The following ADAMTS14 variants were observed in gnomAD, a reference collection of about 807,000 sequenced individuals.
ADAMTS14 encodes A disintegrin and metalloproteinase with thrombospondin motifs 14.
In ADAMTS14, 100 loss-of-function variants were observed where a neutral mutation model predicts 128.6. The ratio of observed to expected loss-of-function variants is 0.78; its 90% CI spans 0.66 to 0.92. ADAMTS14 has a LOEUF of 0.92. Among genes scored for constraint, ADAMTS14 ranks in the 40% least tolerant of loss-of-function variants. The probability of loss-of-function intolerance (pLI) is 0.00; values close to 1 mark genes in which losing one functional copy is unlikely to be tolerated. For missense variants in ADAMTS14, 1,562 were observed against 1,658.6 expected, an observed-to-expected ratio of 0.94 and a Z score of 1.01; for synonymous variants, 665 against 653.8, an observed-to-expected ratio of 1.02 and a Z score of -0.26.
chr10:70,718,516 T>C (rs1027910874), intron 4 of ADAMTS14, among the ~76,000 whole-genome samples: 3 of 149,234 alleles, frequency 2.0e-5, no homozygotes, highest in African/African-American at 7.5e-5. Context: ...GACTCCTGAG[T>C]AGCTGGGGTT....
In ADAMTS14 at chr10:70,743,649, C is replaced by G. The variant is rs145886115; in HGVS notation, c.2026C>G (p.Pro676Ala). ...HDGTRCSYRDPYSVCARGECV... is the reference protein window; with the variant it reads ...HDGTRCSYRDAYSVCARGECV... ...TGGGACACGCTGCAGCTACCGGGACCCATACAGCGTCTGTGCGCGTGGCGA... is the reference window on the plus strand; with the variant it reads ...TGGGACACGCTGCAGCTACCGGGACGCATACAGCGTCTGTGCGCGTGGCGA... Residue 676 changes from proline (P) to alanine (A), a missense_variant, in exon 13 of 22, where the codon CCA (proline) becomes GCA (alanine). Coordinates refer to ENST00000373207, the MANE Select transcript of ADAMTS14 (RefSeq NM_080722.4). The G allele has an allele frequency of 1.9e-5, 30 of 1,609,184 alleles. No homozygotes were observed. The Admixed American group carries it at 4.2e-4, about 23-fold the overall frequency.
At chr10:70,687,329 G>C (rs1213129174) in intron 2 of ADAMTS14, among the ~76,000 whole-genome samples, 1 of 87,934 alleles carries the variant, frequency 1.1e-5, no homozygotes, top group African/African-American at 3.8e-5. Flanking sequence ...CTGGCCGGGC[G>C]GGGGGCCGAC....
At chr10:70,744,749 T>C (rs1449508079) in intron 14 of ADAMTS14, among the ~76,000 whole-genome samples, 1 of 152,136 alleles carries the variant, frequency 6.6e-6, no homozygotes, top group Non-Finnish European at 1.5e-5. Context: ...TGTCTCACCT[T>C]TGATTGTTGG....
chr10:70,722,850 C>T (rs916743339), intron 4 of ADAMTS14, among the ~76,000 whole-genome samples: 1 of 152,314 alleles, frequency 6.6e-6, no homozygotes. Flanking sequence ...GGACAAATCT[C>T]CCATGCAGAG....
intron 13 of ADAMTS14, 26 bp downstream of exon 13, chr10:70,743,707 C>G: frequency 6.5e-7 from 1 of 1,547,064 alleles, no homozygotes; most frequent in Non-Finnish European, 8.7e-7. Context: ...GCCACCCCGA[C>G]TACCGGCACA....
chr10:70,698,455 T>C (rs1840398946), intron 2 of ADAMTS14, among the ~76,000 whole-genome samples: 1 of 152,178 alleles, frequency 6.6e-6, no homozygotes, highest in Admixed American at 6.5e-5. Flanking sequence ...AAACCTCTCA[T>C]TGTGCAGACA....
chr10:70,704,873 C>G (rs1840611933), intron 3 of ADAMTS14, among the ~76,000 whole-genome samples: 1 of 152,060 alleles, frequency 6.6e-6, no homozygotes. Flanking sequence ...CCCGTACACC[C>G]ACACTCAAAC....
In ADAMTS14 at chr10:70,674,618, C is replaced by T. The variant is rs114392999; in HGVS notation, c.145C>T (p.Arg49Trp). 97 of 1,613,900 alleles carry T rather than the reference C, an allele frequency of 6.0e-5. No homozygotes were observed. The African/African-American group carries it at 1.0e-3, about 17-fold the overall frequency. Residue 49 changes from arginine (R) to tryptophan (W), a missense_variant, in exon 2 of 22, where the codon CGG becomes TGG. Physicochemically the swap from Arg to Trp is moderately radical, Grantham distance 101. Transcript: ENST00000373207. ...GACAGTGCCCTGCAGCACAGACTTT[C>T]GGGGACGCTTCCTCTCCCACGTGGT... ...GVTVPCSTDF[R>W]GRFLSHVVSG...
At chr10:70,755,331 G>T (rs912158368) in intron 19 of ADAMTS14, among the ~76,000 whole-genome samples, 3 of 137,096 alleles carry the variant, frequency 2.2e-5, no homozygotes, top group African/African-American at 5.3e-5. Context: ...AAAAAAAAAA[G>T]AAAAGAAATA....
chr10:70,690,515 C>T (rs754280655), intron 2 of ADAMTS14, among the ~76,000 whole-genome samples: 1 of 145,434 alleles, frequency 6.9e-6, no homozygotes, highest in Non-Finnish European at 1.6e-5. Context: ...TGGCCACTGC[C>T]AAGTCCCTCA....
At chr10:70,716,420 C>A (rs557641133) in intron 4 of ADAMTS14, among the ~76,000 whole-genome samples, 128 of 152,172 alleles carry the variant, frequency 8.4e-4, no homozygotes, top group Non-Finnish European at 8.7e-4. Context: ...CTGCTGCCAT[C>A]GCGGGTACAT....
rs774065652 is a variant in ADAMTS14 at position 70,672,858 on chromosome 10, G to C, written c.56G>C (p.Cys19Ser). Residue 19 changes from cysteine (C) to serine (S), a missense_variant, in exon 1 of 22, where the codon TGC becomes TCC. Transcript: ENST00000373207. ...SYLLPLHCAL[C>S]AAAGSRTPEL... ...CTGCTGCCTTTGCACTGTGCGCTCT[G>C]CGCCGCCGCGGGCAGCCGGACCCCA... 69 of 1,504,556 alleles carry C rather than the reference G, an allele frequency of 4.6e-5. No homozygotes were observed. The highest frequency in any genetic ancestry group is 6.0e-5 in the Non-Finnish European group (68 of 1,132,142). 93.2% of individuals were successfully genotyped at this position (1,504,556 alleles called of 1,614,324 possible). A position where few individuals can be genotyped will look rare whatever the true frequency, so the allele number is the denominator to read the frequency against.
chr10:70,750,365 C>T (rs991571763), intron 16 of ADAMTS14, among the ~76,000 whole-genome samples: 1 of 152,166 alleles, frequency 6.6e-6, no homozygotes, highest in Non-Finnish European at 1.5e-5. Context: ...TTCCTCGGGC[C>T]TTTAATGCAG....
In ADAMTS14 at chr10:70,674,624, C is replaced by T. The variant is rs374197954; in HGVS notation, c.151C>T (p.Arg51Cys). 2.0e-5 allele frequency: 32 copies of T among 1,613,844 alleles called. No individual in the cohort carries two copies. Among genetic ancestry groups the T allele is most frequent in the Middle Eastern group, 3.3e-4 (2 of 6,062 alleles). Residue 51 changes from arginine (R) to cysteine (C), a missense_variant, in exon 2 of 22, where the codon CGC becomes TGC. Arg to Cys is a radical substitution (Grantham distance 180). Coordinates refer to ENST00000373207, the MANE Select transcript of ADAMTS14 (RefSeq NM_080722.4). ...GCCCTGCAGCACAGACTTTCGGGGACGCTTCCTCTCCCACGTGGTGTCTGG... is the reference window on the plus strand; with the variant it reads ...GCCCTGCAGCACAGACTTTCGGGGATGCTTCCTCTCCCACGTGGTGTCTGG... ...TVPCSTDFRGRFLSHVVSGPA... is the reference protein window; with the variant it reads ...TVPCSTDFRGCFLSHVVSGPA...
chr10:70,755,137 C>T (rs1373729874), intron 19 of ADAMTS14, among the ~76,000 whole-genome samples: 3 of 151,996 alleles, frequency 2.0e-5, no homozygotes, highest in Admixed American at 6.6e-5. Flanking sequence ...AAGACCTCGC[C>T]TCTACAAAAA....
chr10:70,746,223 C>T (rs1387976704), intron 15 of ADAMTS14, among the ~76,000 whole-genome samples: 1 of 152,182 alleles, frequency 6.6e-6, no homozygotes, highest in Non-Finnish European at 1.5e-5. Context: ...TAACAGTTAT[C>T]TAACTATGAA....
At chr10:70,676,150 G>A (rs1472918232) in intron 2 of ADAMTS14, among the ~76,000 whole-genome samples, 3 of 149,876 alleles carry the variant, frequency 2.0e-5, no homozygotes, top group African/African-American at 7.4e-5. Flanking sequence ...TTTTTTAGAG[G>A]TGGATTTTCA....
chr10:70,674,063 T>A (rs1839565542), intron 1 of ADAMTS14, among the ~76,000 whole-genome samples: 1 of 152,126 alleles, frequency 6.6e-6, no homozygotes, highest in Non-Finnish European at 1.5e-5. Flanking sequence ...CCTTGACACG[T>A]GCCCATGGTC....
intron 4 of ADAMTS14, among the ~76,000 whole-genome samples, chr10:70,728,687 C>T (rs1365775388): frequency 3.9e-5 from 6 of 152,368 alleles, no homozygotes; most frequent in Non-Finnish European, 5.9e-5. Flanking sequence ...TTCAAACTTG[C>T]CTATGCCTGC....
Sources: gnomAD v4.1 joint callset for allele counts (sites outside exome capture counted in the v4.1 genomes callset) on GRCh38, gnomAD v4.1.1 for gene constraint, MANE v1.5 for transcripts, NCBI Gene and HGNC (gene_info 2026-07-23, HGNC 2026-07-21) for gene names.